The following ATRNL1 variants were observed in gnomAD, a reference collection of about 807,000 sequenced individuals.
The protein encoded by ATRNL1 is attractin-like protein 1.
In ATRNL1, 95 loss-of-function variants were observed where a neutral mutation model predicts 182.7. That is an observed-to-expected ratio of 0.52 (90% CI 0.44 to 0.62). ATRNL1 has a LOEUF of 0.62. Ranked by LOEUF, ATRNL1 falls within the 20% of genes least tolerant of loss-of-function variation. The pLI is 0.00. For missense variants in ATRNL1, 1,471 were observed against 1,679.5 expected (o/e 0.88, Z 2.17); for synonymous variants, 576 against 568.3 (o/e 1.01, Z -0.19).
At chr10:115,771,640 C>T (rs1166471840) in intron 27 of ATRNL1, among the ~76,000 whole-genome samples, 2 of 152,036 alleles carry the variant, frequency 1.3e-5, no homozygotes, top group Non-Finnish European at 2.9e-5. Context: ...TCTAATATAC[C>T]AGCGTTACCC....
At chr10:115,186,486 A>G (rs1305334604) in intron 8 of ATRNL1, among the ~76,000 whole-genome samples, 1 of 152,172 alleles carries the variant, frequency 6.6e-6, no homozygotes, top group Non-Finnish European at 1.5e-5. Flanking sequence ...GAATGGATAA[A>G]GAAAAAATGG....
At chr10:115,161,476 C>T (rs150927225) in intron 6 of ATRNL1, among the ~76,000 whole-genome samples, 1 of 151,934 alleles carries the variant, frequency 6.6e-6, no homozygotes, top group East Asian at 1.9e-4. Context: ...AATGAGAAGT[C>T]TATGAAAGTA....
At chr10:115,153,681 T>C (rs1846358198) in intron 5 of ATRNL1, among the ~76,000 whole-genome samples, 2 of 151,906 alleles carry the variant, frequency 1.3e-5, no homozygotes, top group Non-Finnish European at 2.9e-5. Flanking sequence ...CCTGGATTCA[T>C]TGATTTTTTT....
In ATRNL1 at chr10:115,896,331, G is replaced by T. The variant is rs571898969; in HGVS notation, c.4019-48327G>T. 2.0e-4 allele frequency among the ~76,000 whole-genome samples: 31 copies of T among 152,224 alleles called. 1 individual carries two copies. In the South Asian group the frequency reaches 6.4e-3, roughly 32 times the overall value. On this transcript the variant is annotated intron_variant, in intron 28 of 28. Transcript: ENST00000355044. ...AGATATCACTTTTTTATATTTCAAAGAAATCAGTAATTCCTGTGCTAATTA... is the reference window on the plus strand; with the variant it reads ...AGATATCACTTTTTTATATTTCAAATAAATCAGTAATTCCTGTGCTAATTA...
At chr10:115,100,184 T>G (rs985413316) in intron 1 of ATRNL1, among the ~76,000 whole-genome samples, 3 of 152,052 alleles carry the variant, frequency 2.0e-5, no homozygotes, top group Non-Finnish European at 1.5e-5. Context: ...GCCCATCTAC[T>G]TGGAAGGCTG....
chr10:115,139,294 C>T (rs778464229), intron 5 of ATRNL1, among the ~76,000 whole-genome samples: 9 of 152,202 alleles, frequency 5.9e-5, no homozygotes, highest in East Asian at 1.9e-4. Context: ...TCTACATTTT[C>T]GGGTATCTTT....
intron 26 of ATRNL1, among the ~76,000 whole-genome samples, chr10:115,621,245 T>G (rs1857722571): frequency 8.9e-6 from 1 of 111,882 alleles, no homozygotes; most frequent in Admixed American, 9.9e-5. Flanking sequence ...TAATGGCCAT[T>G]GAGCTCTGAA....
intron 27 of ATRNL1, among the ~76,000 whole-genome samples, chr10:115,765,317 T>A (rs1388858762): frequency 6.6e-6 from 1 of 152,168 alleles, no homozygotes; most frequent in Admixed American, 6.5e-5. Context: ...GTTTTATGTA[T>A]TTGCCAGGAT....
At chr10:115,529,164 T>C (rs1415974782) in intron 25 of ATRNL1, among the ~76,000 whole-genome samples, 1 of 152,066 alleles carries the variant, frequency 6.6e-6, no homozygotes, top group Non-Finnish European at 1.5e-5. Context: ...TCTGTTTCCT[T>C]TATTATCTTC....
intron 8 of ATRNL1, among the ~76,000 whole-genome samples, chr10:115,183,867 T>C (rs924796269): frequency 6.6e-6 from 1 of 151,560 alleles, no homozygotes; most frequent in African/African-American, 2.4e-5. Context: ...AATTTACATA[T>C]GTATATGATT....
chr10:115,846,537 C>A (rs1950933070), intron 27 of ATRNL1, among the ~76,000 whole-genome samples: 1 of 152,042 alleles, frequency 6.6e-6, no homozygotes, highest in Admixed American at 6.6e-5. Flanking sequence ...GGTACTTATT[C>A]TTCTATTTAA....
intron 27 of ATRNL1, among the ~76,000 whole-genome samples, chr10:115,749,701 T>C (rs1948393434): frequency 6.6e-6 from 1 of 151,868 alleles, no homozygotes; most frequent in Admixed American, 6.6e-5. Context: ...TAGTAACTTG[T>C]ACATCCCTAT....
At chr10:115,113,466 T>G (rs1306554507) in intron 1 of ATRNL1, among the ~76,000 whole-genome samples, 1 of 152,154 alleles carries the variant, frequency 6.6e-6, no homozygotes, top group Non-Finnish European at 1.5e-5. Flanking sequence ...CCAAATCTTA[T>G]CTTGAATTAC....
In ATRNL1 at chr10:115,905,876, TAAGAG is replaced by T. The variant is rs558381190; in HGVS notation, c.4019-38778_4019-38774del. The stretch of plus-strand genomic sequence containing the variant: ...AATAATTGTTTTTATGAAAAGAACT[TAAGAG>T]AAGTTAATTCCTCCTCATGTCATTC... On this transcript the variant is annotated intron_variant, in intron 28 of 28. Coordinates refer to ENST00000355044, the MANE Select transcript of ATRNL1 (RefSeq NM_207303.4). Among the ~76,000 whole-genome samples, 47 of 152,322 alleles carry T rather than the reference TAAGAG, an allele frequency of 3.1e-4. 1 individual carries two copies. The highest frequency in any genetic ancestry group is 3.4e-3 in the Middle Eastern group (1 of 294).
intron 21 of ATRNL1, among the ~76,000 whole-genome samples, chr10:115,455,332 C>T (rs1554968490): frequency 1.3e-5 from 2 of 152,032 alleles, no homozygotes; most frequent in Non-Finnish European, 2.9e-5. Context: ...AATAATACCA[C>T]ACGTCTACAA....
chr10:115,202,949 G>A (rs1848646307), intron 8 of ATRNL1, among the ~76,000 whole-genome samples: 1 of 150,942 alleles, frequency 6.6e-6, no homozygotes, highest in South Asian at 2.1e-4. Context: ...CTTCTTCCTG[G>A]TTTAGTCTTG....
intron 19 of ATRNL1, among the ~76,000 whole-genome samples, chr10:115,356,789 A>AT (rs1177035320): frequency 1.3e-5 from 2 of 151,966 alleles, no homozygotes; most frequent in African/African-American, 4.8e-5. Context: ...TTGAATAGTG[A>AT]TTTTTAGGCC....
intron 21 of ATRNL1, among the ~76,000 whole-genome samples, chr10:115,430,554 A>C (rs181777990): frequency 1.2e-3 from 180 of 152,246 alleles, no homozygotes; most frequent in African/African-American, 4.1e-3. Context: ...CCTGTTATAT[A>C]GGTAAATTGC....
At chr10:115,890,697 A>G (rs1279462710) in intron 28 of ATRNL1, among the ~76,000 whole-genome samples, 1 of 152,176 alleles carries the variant, frequency 6.6e-6, no homozygotes, top group Non-Finnish European at 1.5e-5. Context: ...GAATGAGCCA[A>G]TAAACTTTAG....
Sources: allele counts gnomAD v4.1 joint callset (sites outside exome capture counted in the v4.1 genomes callset), GRCh38; gene constraint gnomAD v4.1.1; transcripts MANE v1.5; gene names NCBI Gene and HGNC (gene_info 2026-07-23, HGNC 2026-07-21).